The following PRKX variants were observed in gnomAD, a reference collection of about 807,000 sequenced individuals.
PRKX encodes the protein cAMP-dependent protein kinase catalytic subunit PRKX.
Under a neutral mutation model 22.0 loss-of-function variants are expected in PRKX, and 12 were observed. The ratio of observed to expected loss-of-function variants is 0.54; its 90% CI spans 0.35 to 0.88. The LOEUF (loss-of-function observed/expected upper bound fraction) is 0.88, where lower values mean the gene tolerates loss of function less well. Among genes scored for constraint, PRKX ranks in the 40% least tolerant of loss-of-function variants. PRKX has a pLI of 0.01. For synonymous variants in PRKX, 134 were observed against 137.7 expected (o/e 0.97, Z 0.19); for missense variants, 217 against 308.0 (o/e 0.70, Z 2.21).
At chrX:3,679,694 C>A (rs1240590168) in intron 1 of PRKX, among the ~76,000 whole-genome samples, 2 of 112,156 alleles carry the variant, frequency 1.8e-5, no homozygotes, top group Non-Finnish European at 3.8e-5. Context: ...AGGACATGCA[C>A]CCATTCTCAT....
intron 1 of PRKX, among the ~76,000 whole-genome samples, chrX:3,705,907 G>A (rs1421892343): frequency 2.8e-5 from 3 of 105,615 alleles, no homozygotes; most frequent in Non-Finnish European, 5.8e-5. Flanking sequence ...AGCCAGGATG[G>A]TCTCGATCTC....
At chrX:3,682,804 T>C (rs1928101604) in intron 1 of PRKX, among the ~76,000 whole-genome samples, 1 of 109,177 alleles carries the variant, frequency 9.2e-6, no homozygotes, top group Admixed American at 9.8e-5. Context: ...GAAAGATATG[T>C]CCATGTCCTG....
At chrX:3,613,810 C>T (rs1279004558) in intron 7 of PRKX, among the ~76,000 whole-genome samples, 8 of 93,275 alleles carry the variant, frequency 8.6e-5, no homozygotes, top group African/African-American at 2.0e-4. Flanking sequence ...GATCACTCCA[C>T]TGCACTACAC....
chrX:3,658,676 A>G (rs1401543884), intron 2 of PRKX, among the ~76,000 whole-genome samples: 1 of 110,810 alleles, frequency 9.0e-6, no homozygotes, highest in African/African-American at 3.3e-5. Context: ...AAGACACCCA[A>G]TAGAATCAGG....
At chrX:3,674,089 C>T (rs1927899993) in intron 2 of PRKX, among the ~76,000 whole-genome samples, 1 of 111,213 alleles carries the variant, frequency 9.0e-6, no homozygotes, top group South Asian at 3.9e-4. Context: ...ACTATCACAC[C>T]TACCCTAGGA....
At chrX:3,663,425 T>TAC (rs1181567509) in intron 2 of PRKX, among the ~76,000 whole-genome samples, 9 of 60,916 alleles carry the variant, frequency 1.5e-4, no homozygotes, top group African/African-American at 1.1e-4. Context: ...ATCTTGTCCC[T>TAC]ACACACACAC....
At position 3,648,638 on chromosome X, in the gene PRKX, G is replaced by GTGTA. The variant is rs1206684128; in HGVS notation, c.599+6510_599+6511insTACA. ...TGTGTGTGTGTGTGTGTGTGTGTGT[G>GTGTA]TGTGTGTGTGTGTGTGTGTGAAAGG... On this transcript the variant is annotated intron_variant, in intron 3 of 8. Transcript: ENST00000262848. Among the ~76,000 whole-genome samples, 36 of 106,472 alleles carry GTGTA rather than the reference G, an allele frequency of 3.4e-4. 1 individual carries two copies. In the East Asian group the frequency reaches 0.01, roughly 30 times the overall value. The allele number at this position is 106,472 out of a possible 115,157, so 92.5% of individuals were successfully genotyped here. A position where few individuals can be genotyped will look rare whatever the true frequency, so the allele number is the denominator to read the frequency against.
intron 4 of PRKX, among the ~76,000 whole-genome samples, chrX:3,635,724 A>G (rs992750647): frequency 9.0e-6 from 1 of 111,498 alleles, no homozygotes; most frequent in Non-Finnish European, 1.9e-5. Context: ...AGTAGCTGGG[A>G]CTACAGGAAC....
chrX:3,628,048 G>A (rs777478514), intron 4 of PRKX, among the ~76,000 whole-genome samples: 1 of 111,592 alleles, frequency 9.0e-6, no homozygotes, highest in African/African-American at 3.3e-5. Context: ...TCTACACACA[G>A]TAGAATACTA....
At chrX:3,656,517 T>C (rs1927484302) in intron 2 of PRKX, among the ~76,000 whole-genome samples, 1 of 111,057 alleles carries the variant, frequency 9.0e-6, no homozygotes, top group Non-Finnish European at 1.9e-5. Context: ...AATATGTAGG[T>C]GTAGATAGAT....
intron 5 of PRKX, among the ~76,000 whole-genome samples, chrX:3,622,000 T>C (rs2146560614): frequency 9.1e-6 from 1 of 109,987 alleles, no homozygotes; most frequent in African/African-American, 3.3e-5. Context: ...AGAAATTCGC[T>C]GGGCATGCTG....
chrX:3,621,629 A>G, intron 5 of PRKX, among the ~76,000 whole-genome samples: 1 of 111,935 alleles, frequency 8.9e-6, no homozygotes, highest in East Asian at 2.8e-4. Flanking sequence ...CAGACACTTA[A>G]CGTAAACATG....
At chrX:3,697,521 GT>G (rs1215158541) in intron 1 of PRKX, among the ~76,000 whole-genome samples, 1 of 108,048 alleles carries the variant, frequency 9.3e-6, no homozygotes, top group Non-Finnish European at 1.9e-5. Context: ...GGCAATGTTT[GT>G]TTTCATTAAT....
Position 3,713,083 on chromosome X carries a change from C to G in PRKX, c.166+5G>C. The G allele has an allele frequency of 8.6e-7, 1 of 1,161,883 alleles. No homozygotes were observed. The highest frequency in any genetic ancestry group is 1.1e-6 in the Non-Finnish European group (1 of 873,779). On this transcript the variant is annotated splice_donor_5th_base_variant and intron_variant, in intron 1 of 8. Transcript: ENST00000262848. ...TGGGCCGAGTCCCCGCCCGCACTCA[C>G]TCACCCACGGTGGCCAGCGTGTCAA...
At position 3,684,238 on chromosome X, in the gene PRKX, C is replaced by T. The variant is rs141305014; in HGVS notation, c.167-9472G>A. On this transcript the variant is annotated intron_variant, in intron 1 of 8. Coordinates refer to ENST00000262848, the MANE Select transcript of PRKX (RefSeq NM_005044.5). ...CTGCACTCCAGCCTGGGCAACAGAG[C>T]GAGACTCCGTCTCAAAAAAACAAAA... Among the ~76,000 whole-genome samples, 480 of 111,920 alleles carry T rather than the reference C, an allele frequency of 4.3e-3. 4 individuals carry two copies. Among genetic ancestry groups the T allele is most frequent in the Admixed American group, 0.03 (322 of 10,562 alleles).
chrX:3,604,970 A>G lies in PRKX; in HGVS notation c.*3999T>C, dbSNP rs1297996732. On this transcript the variant is annotated 3_prime_UTR_variant, in exon 9 of 9. Transcript: ENST00000262848. ...TAAGGTTTGCAAAGCAAACTTGATT[A>G]TGAAAAGGCTTGGTGAAAATACAGC... 2 of 107,020 alleles carry G rather than the reference A, an allele frequency of 1.9e-5. No individual in the cohort carries two copies. Among genetic ancestry groups the G allele is most frequent in the Non-Finnish European group, 3.8e-5 (2 of 52,027 alleles). The allele number at this position is 107,020 out of a possible 1,213,427, so 8.8% of individuals were successfully genotyped here. A position where few individuals can be genotyped will look rare whatever the true frequency, so the allele number is the denominator to read the frequency against.
At chrX:3,644,064 G>A (rs1272452187) in intron 3 of PRKX, among the ~76,000 whole-genome samples, 3 of 109,697 alleles carry the variant, frequency 2.7e-5, no homozygotes. Context: ...CAAACTGGCT[G>A]CCATCCAAAT....
chrX:3,655,247 C>T lies in PRKX; in HGVS notation c.501G>A (p.Glu167=), dbSNP rs1459626985. ...CTGGCTTCAAGTCCCTGTAGACGAT[C>T]TCTTTGGAGTGCAGGTACTCGATGG... is the stretch of plus-strand genomic sequence containing the variant. ...ICAIEYLHSK[E]IVYRDLKPEN... Residue 167 remains glutamate, a synonymous_variant, in exon 3 of 9, where the codon GAG becomes GAA. Transcript: ENST00000262848. The T allele has an allele frequency of 8.3e-7, 1 of 1,210,656 alleles. No homozygotes were observed. The highest frequency in any genetic ancestry group is 3.0e-5 in the East Asian group (1 of 33,791).
intron 4 of PRKX, among the ~76,000 whole-genome samples, chrX:3,631,189 A>G (rs1316501615): frequency 1.8e-5 from 2 of 112,130 alleles, no homozygotes; most frequent in African/African-American, 6.5e-5. Flanking sequence ...AGTGGAGTGG[A>G]CGGAATGAGA....
Sources: gnomAD v4.1 joint callset for allele counts (sites outside exome capture counted in the v4.1 genomes callset) on GRCh38, gnomAD v4.1.1 for gene constraint, MANE v1.5 for transcripts, NCBI Gene and HGNC (gene_info 2026-07-23, HGNC 2026-07-21) for gene names.